Variants in URB1 observed in about 807,000 individuals in gnomAD.
URB1 encodes URB1 ribosome biogenesis factor.
Under a neutral mutation model 242.3 loss-of-function variants are expected in URB1, and 197 were observed. That is an observed-to-expected ratio of 0.81 (90% CI 0.72 to 0.91). The LOEUF is 0.91. Among genes scored for constraint, URB1 ranks in the 40% least tolerant of loss-of-function variants. The pLI is 0.00. For missense variants in URB1, 2,721 were observed against 2,860.5 expected (o/e 0.95, Z 1.11); for synonymous variants, 1,153 against 1,201.8 (o/e 0.96, Z 0.84).
rs967722902 is a variant in URB1 at position 32,349,302 on chromosome 21, A to C, written c.3012+2T>G. On this transcript the variant is annotated splice_donor_variant, in intron 21 of 38. Coordinates refer to ENST00000382751, the MANE Select transcript of URB1 (RefSeq NM_014825.3). LOFTEE classifies it high-confidence loss of function. ...AGGCTACCAGGCAACCTGTGGCGGT[A>C]CCTGATCATTGGCCAACTCCAGCGA... The C allele has an allele frequency of 3.3e-6, 5 of 1,538,248 alleles. No individual in the cohort carries two copies. The highest frequency in any genetic ancestry group is 1.4e-5 in the African/African-American group (1 of 72,666).
In URB1 at chr21:32,317,876, G is replaced by C; in HGVS notation, c.5834C>G (p.Thr1945Arg). The change falls in exon 37 of 39, where the codon ACA (threonine) becomes AGA (arginine). Residue 1945 changes from threonine (T) to arginine (R), a missense_variant. Transcript: ENST00000382751. ...APVQLTNFFGTLDSVLRYRAT... is the reference protein window; with the variant it reads ...APVQLTNFFGRLDSVLRYRAT... ...CCGGTACCTCAGCACGGAGTCAAGT[G>C]TCCCGAAGAAGTTGGTCAGCTGGAC... 6.4e-7 allele frequency: 1 copy of C among 1,551,784 alleles called. No homozygotes were observed.
In URB1 at chr21:32,378,364, T is replaced by C. The variant is rs545427938; in HGVS notation, c.664+81A>G. The C allele has an allele frequency of 2.9e-5, 39 of 1,338,820 alleles. No individual in the cohort carries two copies. The African/African-American group carries it at 5.4e-4, about 18-fold the overall frequency. The allele number at this position is 1,338,820 out of a possible 1,614,324, so 82.9% of individuals were successfully genotyped here. On this transcript the variant is annotated intron_variant, in intron 5 of 38. Transcript: ENST00000382751. ...CAGCAACTGCAAAGGCTGCAGACTT[T>C]TTTTGAACTTGGAAGAAACGGTTTG...
Position 32,368,502 on chromosome 21 carries a change from C to T in URB1, c.1098G>A (p.Val366=). 1 of 1,551,808 alleles carries T rather than the reference C, an allele frequency of 6.4e-7. No individual in the cohort carries two copies. The highest frequency in any genetic ancestry group is 8.7e-7 in the Non-Finnish European group (1 of 1,147,038). Residue 366 remains valine, a synonymous_variant, in exon 9 of 39, where the codon GTG becomes GTA. Coordinates refer to ENST00000382751, the MANE Select transcript of URB1 (RefSeq NM_014825.3). ...VADLVVNILK[V]CPDLLNKYFK... is the part of the protein sequence containing the mutation. The stretch of plus-strand genomic sequence containing the variant: ...AGTATTTGTTCAGTAAGTCCGGGCA[C>T]ACTTTGAGGATGTTTACCACAAGGT...
At position 32,336,822 on chromosome 21, in the gene URB1, A is replaced by G. The variant is rs2298362; in HGVS notation, c.4685+272T>C. 2.6e-5 allele frequency among the ~76,000 whole-genome samples: 4 copies of G among 152,388 alleles called. No individual in the cohort carries two copies. In the East Asian group the frequency reaches 7.7e-4, roughly 29 times the overall value. ...AAAAATCAACCAAATGAGACACCCC[A>G]GTCCAGCTGACAGTGCACAACAGGG... On this transcript the variant is annotated intron_variant, in intron 28 of 38. Coordinates refer to ENST00000382751, the MANE Select transcript of URB1 (RefSeq NM_014825.3).
chr21:32,378,225 G>A (rs925513860), intron 5 of URB1, among the ~76,000 whole-genome samples: 1 of 152,158 alleles, frequency 6.6e-6, no homozygotes, highest in African/African-American at 2.4e-5. Flanking sequence ...ATTCCAGACG[G>A]CATAACAGGA....
chr21:32,315,789 C>G (rs2032673094), intron 38 of URB1, among the ~76,000 whole-genome samples: 1 of 152,170 alleles, frequency 6.6e-6, no homozygotes. Flanking sequence ...AGGCTCAATT[C>G]CCCAACTGCG....
At position 32,382,037 on chromosome 21, in the gene URB1, A is replaced by G. The variant is rs191699242; in HGVS notation, c.567+1385T>C. 2.4e-4 allele frequency among the ~76,000 whole-genome samples: 37 copies of G among 152,324 alleles called. 1 individual carries two copies. The East Asian group carries it at 6.7e-3, about 28-fold the overall frequency. The stretch of plus-strand genomic sequence containing the variant: ...AACTCCCATTTTACAGATCCTGGAG[A>G]GGTAAAATAATGTGCCCTGAGACCC... On this transcript the variant is annotated intron_variant, in intron 4 of 38. Transcript: ENST00000382751.
intron 19 of URB1, 121 bp downstream of exon 19, chr21:32,352,589 G>T: frequency 8.4e-7 from 1 of 1,185,736 alleles, no homozygotes; most frequent in Non-Finnish European, 1.2e-6. Context: ...GGACTTTAGG[G>T]TAAGAAATTT....
intron 22 of URB1, 52 bp from the exon 23 acceptor site, chr21:32,345,627 C>A: frequency 6.8e-7 from 1 of 1,467,180 alleles, no homozygotes; most frequent in South Asian, 1.4e-5. Flanking sequence ...TGGGCTGCAG[C>A]CAGCTTGGAC....
intron 8 of URB1, among the ~76,000 whole-genome samples, chr21:32,370,456 C>T (rs1431853507): frequency 6.6e-6 from 1 of 152,128 alleles, no homozygotes; most frequent in African/African-American, 2.4e-5. Flanking sequence ...AAAAATACTA[C>T]ACATGCTTTA....
chr21:32,354,916 C>G lies in URB1; in HGVS notation c.2188G>C (p.Ala730Pro). 1 of 1,552,330 alleles carries G rather than the reference C, an allele frequency of 6.4e-7. No individual in the cohort carries two copies. Among genetic ancestry groups the G allele is most frequent in the Non-Finnish European group, 8.7e-7 (1 of 1,147,132 alleles). ...DFVQEASMLQ[A>P]TMTKQEADDM... Reference sequence around the variant, plus strand: ...TCGGCTTCTTGCTTCGTCATAGTGGCCTGCAGCATGCTTGCTTCTTGGACA... The same window carrying G: ...TCGGCTTCTTGCTTCGTCATAGTGGGCTGCAGCATGCTTGCTTCTTGGACA... The change falls in exon 17 of 39, where the codon GCC becomes CCC. Residue 730 changes from alanine (A) to proline (P), a missense_variant. Coordinates refer to ENST00000382751, the MANE Select transcript of URB1 (RefSeq NM_014825.3).
chr21:32,385,490 TAAC>T (rs1335845849), intron 2 of URB1, 52 bp downstream of exon 2: 58 of 1,523,708 alleles, frequency 3.8e-5, no homozygotes, highest in Non-Finnish European at 4.8e-5. Flanking sequence ...TCATCAAACT[TAAC>T]AGCAGCATTA....
intron 34 of URB1, 125 bp downstream of exon 34, chr21:32,321,676 G>C: frequency 7.2e-7 from 1 of 1,384,964 alleles, no homozygotes; most frequent in Non-Finnish European, 9.7e-7. Flanking sequence ...CCCTAACTGA[G>C]AGCCAGGGTT....
At position 32,347,000 on chromosome 21, in the gene URB1, T is replaced by C; in HGVS notation, c.3824A>G (p.Tyr1275Cys). The C allele has an allele frequency of 6.5e-7, 1 of 1,542,308 alleles. No individual in the cohort carries two copies. The highest frequency in any genetic ancestry group is 8.8e-7 in the Non-Finnish European group (1 of 1,140,394). The change falls in exon 22 of 39, where the codon TAC becomes TGC. Residue 1275 changes from tyrosine (Y) to cysteine (C), a missense_variant. Physicochemically the swap from Tyr to Cys is radical, Grantham distance 194 (BLOSUM62 -2). Transcript: ENST00000382751. ...GTGGCTCCGTGTCCTGCACTGGAGGTACACATGGATGAGGGGAAGGAAGTC... is the reference window on the plus strand; with the variant it reads ...GTGGCTCCGTGTCCTGCACTGGAGGCACACATGGATGAGGGGAAGGAAGTC... ...LDDFLPLIHV[Y>C]LQCRTRSHFT...
chr21:32,339,566 C>T (rs1201946534), intron 25 of URB1, among the ~76,000 whole-genome samples: 1 of 151,366 alleles, frequency 6.6e-6, no homozygotes, highest in African/African-American at 2.4e-5. Context: ...TCTTGGCTCA[C>T]TGCAAGCTCC....
At chr21:32,324,360 A>G in intron 32 of URB1, 131 bp downstream of exon 32, 2 of 731,798 alleles carry the variant, frequency 2.7e-6, no homozygotes, top group East Asian at 5.4e-5. Context: ...CTCATCTTCC[A>G]CAATCATGAG....
At chr21:32,375,734 C>CT (rs1486495187) in intron 5 of URB1, among the ~76,000 whole-genome samples, 1 of 151,538 alleles carries the variant, frequency 6.6e-6, no homozygotes, top group African/African-American at 2.4e-5. Context: ...CCCTTGAGGC[C>CT]AGGAGTTCAA....
intron 4 of URB1, among the ~76,000 whole-genome samples, chr21:32,381,048 G>C (rs2033518168): frequency 6.6e-6 from 1 of 152,176 alleles, no homozygotes; most frequent in Admixed American, 6.5e-5. Flanking sequence ...GGAGGAACTG[G>C]GTAAGATCCC....
rs1205148607 is a variant in URB1 at position 32,334,186 on chromosome 21, T to A, written c.4834A>T (p.Asn1612Tyr). 25 of 1,549,142 alleles carry A rather than the reference T, an allele frequency of 1.6e-5. No homozygotes were observed. Among genetic ancestry groups the A allele is most frequent in the Non-Finnish European group, 2.2e-5 (25 of 1,145,258 alleles). ...MMQTILHFPQ[N>Y]RRLLPPEDTQ... ...ACCTCGGGGGGCAGCAGCCTCCGGT[T>A]CTGGGGGAAGTGCAGGATGGTCTGC... Residue 1612 changes from asparagine (N) to tyrosine (Y), a missense_variant, in exon 29 of 39, where the codon AAC (asparagine) becomes TAC (tyrosine). By Grantham distance (143) the Asn-to-Tyr change is moderately radical. Coordinates refer to ENST00000382751, the MANE Select transcript of URB1 (RefSeq NM_014825.3).
Sources: gnomAD v4.1 joint callset for allele counts (sites outside exome capture counted in the v4.1 genomes callset) on GRCh38, gnomAD v4.1.1 for gene constraint, MANE v1.5 for transcripts, NCBI Gene and HGNC (gene_info 2026-07-23, HGNC 2026-07-21) for gene names.